PSIP1: variants seen among roughly 807,000 people sequenced by gnomAD.
The protein encoded by PSIP1 is PC4 and SRSF1 interacting protein 1, also known as PC4 and SFRS1-interacting protein.
In PSIP1, 19 loss-of-function variants were observed where a neutral mutation model predicts 74.7. The ratio of observed to expected loss-of-function variants is 0.25; its 90% confidence interval spans 0.18 to 0.37. PSIP1 has a LOEUF of 0.37. PSIP1 is among the 10% of genes least tolerant of loss of function. PSIP1 has a pLI of 1.00. For synonymous variants in PSIP1, 222 were observed against 195.3 expected (o/e 1.14, Z -1.14); for missense variants, 601 against 614.3 (o/e 0.98, Z 0.23).
intron 9 of PSIP1, 132 bp from the exon 10 acceptor site, chr9:15,472,882 A>G (rs2035901398): frequency 1.2e-5 from 10 of 801,848 alleles, no homozygotes; most frequent in Middle Eastern, 3.7e-4. Context: ...GCAACCTAAA[A>G]ATAGTCTTTG....
rs1434288522 is a variant in PSIP1, at chr9:15,468,621, A to G, written c.1420+9T>C. ...ACTGGTGTGAAATTGTTGGCTTTTTACCACATACCTGTTTGTTCCTTCTCT... is the reference window on the plus strand; with the variant it reads ...ACTGGTGTGAAATTGTTGGCTTTTTGCCACATACCTGTTTGTTCCTTCTCT... On this transcript the variant is annotated intron_variant, in intron 14 of 15. Coordinates refer to ENST00000380733, the MANE Select transcript of PSIP1 (RefSeq NM_033222.5). The G allele has an allele frequency of 1.9e-6, 3 of 1,612,680 alleles. No homozygotes were observed. The highest frequency in any genetic ancestry group is 2.7e-5 in the African/African-American group (2 of 74,812).
intron 2 of PSIP1, among the ~76,000 whole-genome samples, chr9:15,509,593 A>G (rs921306355): frequency 2.0e-5 from 3 of 152,236 alleles, no homozygotes; most frequent in African/African-American, 7.2e-5. Context: ...AATACTTTCA[A>G]GAATATCCAG....
At chr9:15,487,557 GCACCACTGCA>G (rs1350573344) in intron 4 of PSIP1, among the ~76,000 whole-genome samples, 1 of 152,000 alleles carries the variant, frequency 6.6e-6, no homozygotes, top group Non-Finnish European at 1.5e-5. Context: ...GATCAAAATT[GCACCACTGCA>G]CTCCAACCTG....
chr9:15,510,638 G>C (rs927442060), intron 1 of PSIP1, among the ~76,000 whole-genome samples, 179 bp downstream of exon 1: 1 of 152,158 alleles, frequency 6.6e-6, no homozygotes, highest in African/African-American at 2.4e-5. Flanking sequence ...GAAAAAGGCA[G>C]GGATTCCGAG....
chr9:15,503,700 T>A (rs1318463930), intron 3 of PSIP1, among the ~76,000 whole-genome samples: 2 of 151,980 alleles, frequency 1.3e-5, no homozygotes, highest in South Asian at 2.1e-4. Context: ...TCCCAAATTT[T>A]GAGGGGAAAA....
At chr9:15,477,960 C>T (rs573462413) in intron 8 of PSIP1, among the ~76,000 whole-genome samples, 3 of 150,658 alleles carry the variant, frequency 2.0e-5, no homozygotes, top group Non-Finnish European at 4.4e-5. Context: ...AACGATGAGA[C>T]CAGTCTCATC....
At chr9:15,493,262 G>C (rs1261061305) in intron 3 of PSIP1, among the ~76,000 whole-genome samples, 1 of 152,178 alleles carries the variant, frequency 6.6e-6, no homozygotes, top group South Asian at 2.1e-4. Context: ...AAAGCCACCA[G>C]TCTCCCTGCT....
intron 3 of PSIP1, among the ~76,000 whole-genome samples, chr9:15,496,043 T>C (rs1344060907): frequency 6.6e-6 from 1 of 152,214 alleles, no homozygotes; most frequent in Admixed American, 6.5e-5. Context: ...AGAGGCCAAC[T>C]ATACATCCGA....
Position 15,486,921 on chromosome 9 carries a change from T to G in PSIP1, c.299A>C (p.Lys100Thr), listed in dbSNP as rs1247878787. 6.2e-7 allele frequency: 1 copy of G among 1,607,370 alleles called. No individual in the cohort carries two copies. The highest frequency in any genetic ancestry group is 1.7e-5 in the Admixed American group (1 of 59,506). The change falls in exon 5 of 16, where the codon AAA becomes ACA. Residue 100 changes from lysine to threonine, a missense_variant. This residue lies in a region of PSIP1 where 538 missense variants were observed against 507.6 expected (regional missense o/e 1.06). Transcript: ENST00000380733. ...AACATCAGATGATGCATTTGATTGT[T>G]TAGTTGCTGCCTGTGAGCAATCAAC... ...VKFSSQQAAT[K>T]QSNASSDVEV...
In PSIP1 at chr9:15,483,718, G is replaced by A. The variant is rs560333309; in HGVS notation, c.456+2288C>T. Among the ~76,000 whole-genome samples the A allele has an allele frequency of 1.4e-4, 22 of 152,156 alleles. 1 individual carries two copies. In the South Asian group the frequency reaches 2.1e-3, roughly 14 times the overall value. The stretch of plus-strand genomic sequence containing the variant: ...TCACTGCCCCAATCCAATCCCCATC[G>A]TTCACACTGCTTTAAAAAAATGACG... On this transcript the variant is annotated intron_variant, in intron 6 of 15. Transcript: ENST00000380733.
At chr9:15,476,311 C>T (rs988779340) in intron 8 of PSIP1, among the ~76,000 whole-genome samples, 2 of 152,180 alleles carry the variant, frequency 1.3e-5, no homozygotes, top group African/African-American at 4.8e-5. Context: ...TGCTTTAGGG[C>T]TGGGAGACTG....
intron 3 of PSIP1, among the ~76,000 whole-genome samples, chr9:15,494,350 G>A (rs140357034): frequency 2.8e-4 from 42 of 152,178 alleles, no homozygotes; most frequent in Non-Finnish European, 5.7e-4. Flanking sequence ...CAGATCACCT[G>A]AGGTCAGGCG....
chr9:15,500,514 T>G (rs538652127), intron 3 of PSIP1, among the ~76,000 whole-genome samples: 1 of 151,938 alleles, frequency 6.6e-6, no homozygotes, highest in Admixed American at 6.5e-5. Flanking sequence ...CATTATTTGG[T>G]GTAAAATTTA....
intron 8 of PSIP1, among the ~76,000 whole-genome samples, chr9:15,474,705 T>C (rs1022623816): frequency 1.3e-5 from 2 of 152,152 alleles, no homozygotes; most frequent in African/African-American, 4.8e-5. Flanking sequence ...CAAGAGAAAC[T>C]ACCTAAACTG....
intron 3 of PSIP1, among the ~76,000 whole-genome samples, chr9:15,496,645 C>T (rs1269848749): frequency 6.6e-6 from 1 of 152,162 alleles, no homozygotes; most frequent in Non-Finnish European, 1.5e-5. Context: ...TTCAGATTTA[C>T]AAGTTGTACC....
In PSIP1 at chr9:15,479,695, AC is replaced by A. The variant is rs1295752562; in HGVS notation, c.457-9del. 6.2e-7 allele frequency: 1 copy of A among 1,607,526 alleles called. No homozygotes were observed. The highest frequency in any genetic ancestry group is 1.7e-5 in the Admixed American group (1 of 59,190). On this transcript the variant is annotated splice_polypyrimidine_tract_variant and intron_variant, in intron 6 of 15. Transcript: ENST00000380733. The stretch of plus-strand genomic sequence containing the variant: ...TTCTACTTGTTTTTCTGCCTGAATT[AC>A]AAAAATTTAATTAACTTATTTAGCA...
intron 5 of PSIP1, 34 bp downstream of exon 5, chr9:15,486,793 A>G (rs767799261): frequency 3.4e-6 from 5 of 1,454,042 alleles, no homozygotes; most frequent in Non-Finnish European, 4.8e-6. Context: ...TTGAAACAAA[A>G]TGGGTTTAAA....
rs563603160 is a variant in PSIP1 at position 15,470,983 on chromosome 9, T to C, written c.978-990A>G. 101 of 1,254,880 alleles carry C rather than the reference T, an allele frequency of 8.0e-5. No homozygotes were observed. In the African/African-American group the frequency reaches 1.4e-3, roughly 18 times the overall value. 77.7% of individuals were successfully genotyped at this position (1,254,880 alleles called of 1,614,324 possible). A position where few individuals can be genotyped will look rare whatever the true frequency, so the allele number is the denominator to read the frequency against. Reference sequence around the variant, plus strand: ...ACAGGAATGATGGCCGACCTTAGTATGTAGTGTGTACCTTACAGGAAATTT... The same window carrying C: ...ACAGGAATGATGGCCGACCTTAGTACGTAGTGTGTACCTTACAGGAAATTT... On this transcript the variant is annotated intron_variant, in intron 10 of 15. Transcript: ENST00000380733.
chr9:15,476,335 G>A (rs1205172130), intron 8 of PSIP1, among the ~76,000 whole-genome samples: 2 of 152,134 alleles, frequency 1.3e-5, no homozygotes, highest in Admixed American at 6.6e-5. Flanking sequence ...ACCCTAATAC[G>A]TTATTATACA....
Sources: gnomAD v4.1 joint callset for allele counts (sites outside exome capture counted in the v4.1 genomes callset) on GRCh38, gnomAD v4.1.1 for gene constraint, gnomAD v4.1.1 regional missense constraint, MANE v1.5 for transcripts, NCBI Gene and HGNC (gene_info 2026-07-23, HGNC 2026-07-21) for gene names.